Variants in MCTP2 observed in about 807,000 individuals in gnomAD.
MCTP2 encodes the protein multiple C2 and transmembrane domain containing 2.
Under a neutral mutation model 111.6 loss-of-function variants are expected in MCTP2, and 132 were observed. That is an observed-to-expected ratio of 1.18 (90% CI 1.03 to 1.37). The LOEUF (loss-of-function observed/expected upper bound fraction) is 1.37, where lower values mean the gene tolerates loss of function less well. Among genes scored for constraint, MCTP2 ranks in the 40% most tolerant of loss-of-function variants. The pLI, the probability that MCTP2 is intolerant of heterozygous loss-of-function variation, is 0.00. For missense variants in MCTP2, 1,183 were observed against 1,067.9 expected, an observed-to-expected ratio of 1.11 and a Z score of -1.50; for synonymous variants, 395 against 387.7, an observed-to-expected ratio of 1.02 and a Z score of -0.22.
intron 17 of MCTP2, chr15:94,402,867 T>C: frequency 1.7e-6 from 2 of 1,178,096 alleles, no homozygotes; most frequent in Non-Finnish European, 2.1e-6. Flanking sequence ...AGAGTGTGAA[T>C]ATCAGTCATG....
chr15:94,361,518 G>A (rs1045721539), intron 10 of MCTP2, among the ~76,000 whole-genome samples: 5 of 152,166 alleles, frequency 3.3e-5, no homozygotes, highest in African/African-American at 1.2e-4. Context: ...GGTCATCATG[G>A]CTAACAGTAA....
At chr15:94,430,276 G>A (rs1339340638) in intron 17 of MCTP2, among the ~76,000 whole-genome samples, 1 of 151,922 alleles carries the variant, frequency 6.6e-6, no homozygotes, top group Non-Finnish European at 1.5e-5. Flanking sequence ...GCCCCTTGTG[G>A]CCAACTCCTG....
chr15:94,247,661 G>A (rs1222385064), intron 1 of MCTP2, among the ~76,000 whole-genome samples: 1 of 152,184 alleles, frequency 6.6e-6, no homozygotes, highest in African/African-American at 2.4e-5. Context: ...CCTTCAATCA[G>A]TAAGACTGAT....
chr15:94,237,968 C>T (rs140852931), intron 1 of MCTP2, among the ~76,000 whole-genome samples: 25 of 152,228 alleles, frequency 1.6e-4, no homozygotes, highest in East Asian at 1.2e-3. Flanking sequence ...AGCCACCCCC[C>T]GCCCCGCGCA....
intron 1 of MCTP2, among the ~76,000 whole-genome samples, chr15:94,269,369 A>C (rs2073783522): frequency 6.6e-6 from 1 of 152,222 alleles, no homozygotes; most frequent in African/African-American, 2.4e-5. Context: ...TTTAGGTGTA[A>C]GAATAATTGA....
At chr15:94,314,665 C>T in intron 3 of MCTP2, 2 of 507,474 alleles carry the variant, frequency 3.9e-6, no homozygotes, top group East Asian at 5.0e-5. Context: ...GCCACAGGAT[C>T]GATTAATTGA....
rs565006848 is a variant in MCTP2 at position 94,300,678 on chromosome 15, G to C, written c.465+1948G>C. On this transcript the variant is annotated intron_variant, in intron 2 of 22. Coordinates refer to ENST00000357742, the MANE Select transcript of MCTP2 (RefSeq NM_001385001.1). Reference sequence around the variant, plus strand: ...GGGAGATCTTACAAGCAGAGCATAAGAGGCTACTGGATATCAGAGCTGTTG... The same window carrying C: ...GGGAGATCTTACAAGCAGAGCATAACAGGCTACTGGATATCAGAGCTGTTG... 2.0e-5 allele frequency among the ~76,000 whole-genome samples: 3 copies of C among 152,226 alleles called. No homozygotes were observed. In the South Asian group the frequency reaches 6.2e-4, roughly 32 times the overall value.
chr15:94,396,210 T>A (rs1374404466), intron 14 of MCTP2, among the ~76,000 whole-genome samples: 4 of 152,234 alleles, frequency 2.6e-5, no homozygotes, highest in African/African-American at 9.6e-5. Context: ...AGGAAATCTC[T>A]CCAAATGAAT....
At chr15:94,398,756 A>G (rs1183223657) in intron 14 of MCTP2, among the ~76,000 whole-genome samples, 1 of 152,238 alleles carries the variant, frequency 6.6e-6, no homozygotes, top group African/African-American at 2.4e-5. Context: ...CCTAGTGATC[A>G]TCACTTTATC....
chr15:94,456,957 T>TC (rs2084874482), intron 19 of MCTP2, among the ~76,000 whole-genome samples: 1 of 152,214 alleles, frequency 6.6e-6, no homozygotes, highest in African/African-American at 2.4e-5. Context: ...TCTCTTTCAC[T>TC]CCATCCATGA....
At chr15:94,339,638 T>C (rs1217804930) in intron 5 of MCTP2, among the ~76,000 whole-genome samples, 2 of 152,214 alleles carry the variant, frequency 1.3e-5, no homozygotes, top group African/African-American at 4.8e-5. Context: ...GAAAATAATA[T>C]CTACATTGAT....
intron 1 of MCTP2, chr15:94,273,563 C>T (rs1333220655): frequency 1.5e-5 from 3 of 200,044 alleles, no homozygotes; most frequent in Middle Eastern, 9.8e-4. Context: ...AATGCCCCCT[C>T]GCAGGTATGC....
chr15:94,354,452 C>CTTA (rs2078499058), intron 8 of MCTP2, among the ~76,000 whole-genome samples: 1 of 152,106 alleles, frequency 6.6e-6, no homozygotes, highest in Non-Finnish European at 1.5e-5. Context: ...GATCTGATGG[C>CTTA]TTTATAAGGG....
intron 19 of MCTP2, among the ~76,000 whole-genome samples, chr15:94,444,574 T>C (rs2084011776): frequency 1.3e-5 from 2 of 152,180 alleles, no homozygotes. Flanking sequence ...GGGCTTGTTA[T>C]GAATAGCCAA....
intron 4 of MCTP2, among the ~76,000 whole-genome samples, chr15:94,321,795 AC>A (rs1221220530): frequency 6.6e-6 from 1 of 152,234 alleles, no homozygotes; most frequent in African/African-American, 2.4e-5. Flanking sequence ...CCTACTGTTG[AC>A]CAGAAGCCTT....
intron 3 of MCTP2, 148 bp from the exon 4 acceptor site, chr15:94,315,381 C>G: frequency 1.7e-6 from 1 of 591,650 alleles, no homozygotes; most frequent in East Asian, 2.8e-5. Flanking sequence ...GCAGGGTAAC[C>G]AAGTTGTCAT....
intron 3 of MCTP2, among the ~76,000 whole-genome samples, chr15:94,315,150 C>T (rs2076323559): frequency 6.6e-6 from 1 of 152,168 alleles, no homozygotes; most frequent in African/African-American, 2.4e-5. Context: ...GACACATGTT[C>T]TTGGGAGCCA....
At chr15:94,413,298 A>G (rs2087044063) in intron 17 of MCTP2, among the ~76,000 whole-genome samples, 1 of 152,150 alleles carries the variant, frequency 6.6e-6, no homozygotes, top group African/African-American at 2.4e-5. Context: ...TCAAATTTTC[A>G]TGTTGTGTAC....
chr15:94,398,936 GTA>G (rs767373671), intron 14 of MCTP2, 23 bp from the exon 15 acceptor site: 1 of 1,388,242 alleles, frequency 7.2e-7, no homozygotes, highest in Admixed American at 1.8e-5. Flanking sequence ...GCACCAATGT[GTA>G]TTTTGTCTTT....
Sources: gnomAD v4.1 joint callset for allele counts (sites outside exome capture counted in the v4.1 genomes callset) on GRCh38, gnomAD v4.1.1 for gene constraint, MANE v1.5 for transcripts, NCBI Gene and HGNC (gene_info 2026-07-23, HGNC 2026-07-21) for gene names.